The following DOK6 variants were observed in gnomAD, a reference collection of about 807,000 sequenced individuals.
The protein encoded by DOK6 is downstream of tyrosine kinase 6.
A neutral mutation model predicts 44.0 loss-of-function variants in DOK6; 22 were observed. That is an observed-to-expected ratio of 0.50 (90% CI 0.36 to 0.71). The LOEUF is 0.71. DOK6 is among the 30% of genes least tolerant of loss of function. DOK6 has a pLI of 0.00. For missense variants in DOK6, 340 were observed against 416.4 expected (o/e 0.82, Z 1.60); for synonymous variants, 166 against 145.5 (o/e 1.14, Z -1.01).
At chr18:69,445,553 GTCATCATATAGATTT>G (rs1357263949) in intron 1 of DOK6, among the ~76,000 whole-genome samples, 1 of 151,998 alleles carries the variant, frequency 6.6e-6, no homozygotes, top group Non-Finnish European at 1.5e-5. Flanking sequence ...TTTAATCGAG[GTCATCATATAGATTT>G]TTTTCCTTCA....
intron 6 of DOK6, among the ~76,000 whole-genome samples, chr18:69,753,274 CA>C (rs1047897696): frequency 2.0e-5 from 3 of 152,118 alleles, no homozygotes; most frequent in African/African-American, 7.2e-5. Context: ...TCTATCTTTA[CA>C]AGAGCCCTCT....
At chr18:69,699,056 C>T (rs1382003777) in intron 5 of DOK6, among the ~76,000 whole-genome samples, 1 of 152,050 alleles carries the variant, frequency 6.6e-6, no homozygotes, top group Non-Finnish European at 1.5e-5. Flanking sequence ...ATACTGCTTT[C>T]TTGATCACAG....
intron 1 of DOK6, among the ~76,000 whole-genome samples, chr18:69,531,167 A>T (rs8097635): frequency 6.7e-6 from 1 of 150,316 alleles, no homozygotes; most frequent in Non-Finnish European, 1.5e-5. Context: ...CGTGAGATGG[A>T]TCTCCTGAAT....
intron 7 of DOK6, among the ~76,000 whole-genome samples, chr18:69,814,672 C>G (rs1156964098): frequency 6.6e-6 from 1 of 152,118 alleles, no homozygotes; most frequent in African/African-American, 2.4e-5. Flanking sequence ...GAGGAGGAAG[C>G]AAGGCATGTC....
intron 3 of DOK6, among the ~76,000 whole-genome samples, chr18:69,642,723 T>G (rs943128120): frequency 1.3e-5 from 2 of 152,192 alleles, no homozygotes; most frequent in African/African-American, 4.8e-5. Flanking sequence ...AATGTCTACA[T>G]GTATCTGTTT....
chr18:69,462,826 G>A (rs1209779923), intron 1 of DOK6, among the ~76,000 whole-genome samples: 1 of 152,126 alleles, frequency 6.6e-6, no homozygotes, highest in African/African-American at 2.4e-5. Flanking sequence ...TTTAAACTCT[G>A]TACCGAAGTA....
rs143947947 is a variant in DOK6, at chr18:69,421,828, T to C, written c.66+20518T>C. Among the ~76,000 whole-genome samples the C allele has an allele frequency of 4.3e-3, 653 of 152,154 alleles. 3 individuals are homozygous for C. The highest frequency in any genetic ancestry group is 7.4e-3 in the Admixed American group (113 of 15,274). On this transcript the variant is annotated intron_variant, in intron 1 of 7. Transcript: ENST00000382713. ...AAAGACACAGAAACTGGTGTGGGGTTACCAGGCTGATGATGTCTTGACCAC... is the reference window on the plus strand; with the variant it reads ...AAAGACACAGAAACTGGTGTGGGGTCACCAGGCTGATGATGTCTTGACCAC...
rs572488177 is a variant in DOK6 at position 69,698,312 on chromosome 18, T to C, written c.410-92T>C. On this transcript the variant is annotated intron_variant, in intron 4 of 7. Coordinates refer to ENST00000382713, the MANE Select transcript of DOK6 (RefSeq NM_152721.6). Reference sequence around the variant, plus strand: ...CTAGGGAGGATGTGGTCATGTTTCCTGCAGTCTGTAGATAAACAAATTAAT... The same window carrying C: ...CTAGGGAGGATGTGGTCATGTTTCCCGCAGTCTGTAGATAAACAAATTAAT... The C allele has an allele frequency of 3.1e-5, 36 of 1,172,308 alleles. No individual in the cohort carries two copies. The South Asian group carries it at 4.2e-4, about 14-fold the overall frequency. The allele number at this position is 1,172,308 out of a possible 1,614,324, so 72.6% of individuals were successfully genotyped here.
At chr18:69,802,495 G>A (rs1980931544) in intron 7 of DOK6, among the ~76,000 whole-genome samples, 1 of 152,110 alleles carries the variant, frequency 6.6e-6, no homozygotes, top group African/African-American at 2.4e-5. Flanking sequence ...TGGTTTGGAT[G>A]TTTTGTCACC....
At chr18:69,484,687 T>A (rs1429904610) in intron 1 of DOK6, among the ~76,000 whole-genome samples, 2 of 152,134 alleles carry the variant, frequency 1.3e-5, no homozygotes, top group Admixed American at 6.5e-5. Flanking sequence ...TCTTGATTCA[T>A]TAACATTGAA....
In DOK6 at chr18:69,835,464, C is replaced by CA. The variant is rs1376861520; in HGVS notation, c.857-5773dup. 3.0e-3 allele frequency among the ~76,000 whole-genome samples: 412 copies of CA among 136,404 alleles called. 3 individuals are homozygous for CA. The highest frequency in any genetic ancestry group is 5.2e-3 in the South Asian group (22 of 4,236). 89.5% of individuals were successfully genotyped at this position (136,404 alleles called of 152,430 possible). ...TGGGCGACAGAACGAGACTCCGTCT[C>CA]AAAAAAACAACAACAACAACAAAAA... On this transcript the variant is annotated intron_variant, in intron 7 of 7. Transcript: ENST00000382713.
intron 3 of DOK6, among the ~76,000 whole-genome samples, chr18:69,615,246 A>G (rs1223610138): frequency 6.6e-6 from 1 of 152,162 alleles, no homozygotes; most frequent in African/African-American, 2.4e-5. Flanking sequence ...ATTATTCACT[A>G]ATGCTGCTTA....
At chr18:69,597,112 CATTT>C (rs1482794856) in intron 2 of DOK6, among the ~76,000 whole-genome samples, 2 of 151,680 alleles carry the variant, frequency 1.3e-5, no homozygotes, top group African/African-American at 4.8e-5. Flanking sequence ...GGGTTTGTAA[CATTT>C]ATATTAATAG....
At chr18:69,678,320 G>A (rs1235386691) in intron 4 of DOK6, among the ~76,000 whole-genome samples, 2 of 152,164 alleles carry the variant, frequency 1.3e-5, no homozygotes, top group Non-Finnish European at 2.9e-5. Context: ...TGTAACAACT[G>A]GAGAAAATGC....
At chr18:69,715,523 T>A (rs1189676081) in intron 5 of DOK6, among the ~76,000 whole-genome samples, 1 of 152,214 alleles carries the variant, frequency 6.6e-6, no homozygotes, top group African/African-American at 2.4e-5. Context: ...GCTCTCGCGA[T>A]CTCACGCACC....
At chr18:69,584,441 G>C (rs1044652680) in intron 2 of DOK6, among the ~76,000 whole-genome samples, 3 of 151,890 alleles carry the variant, frequency 2.0e-5, no homozygotes, top group Non-Finnish European at 4.4e-5. Context: ...TACAGCTGTG[G>C]CCACCAGCCC....
chr18:69,685,686 T>A (rs1430194824), intron 4 of DOK6, among the ~76,000 whole-genome samples: 1 of 152,202 alleles, frequency 6.6e-6, no homozygotes, highest in African/African-American at 2.4e-5. Flanking sequence ...TTGGGGGTAA[T>A]GTACTGTCAA....
chr18:69,648,514 G>C (rs142949250), intron 3 of DOK6, among the ~76,000 whole-genome samples: 5 of 152,308 alleles, frequency 3.3e-5, no homozygotes, highest in Admixed American at 1.3e-4. Context: ...ATTAATGAGA[G>C]TTTATGTAAA....
At chr18:69,746,180 C>A (rs1301248644) in intron 6 of DOK6, among the ~76,000 whole-genome samples, 1 of 152,162 alleles carries the variant, frequency 6.6e-6, no homozygotes, top group Non-Finnish European at 1.5e-5. Flanking sequence ...AAGTGAATGA[C>A]AGTTTCTGCT....
Sources: allele counts gnomAD v4.1 joint callset (sites outside exome capture counted in the v4.1 genomes callset), GRCh38; gene constraint gnomAD v4.1.1; transcripts MANE v1.5; gene names NCBI Gene and HGNC (gene_info 2026-07-23, HGNC 2026-07-21).